Variants in STAT1 observed in about 807,000 individuals in gnomAD.
STAT1 encodes signal transducer and activator of transcription 1.
STAT1 carries 24 observed loss-of-function variants against 111.7 expected under a neutral mutation model. The observed-to-expected ratio is 0.21, with a 90% CI of 0.16 to 0.30. The LOEUF (loss-of-function observed/expected upper bound fraction) is 0.30, where lower values mean the gene tolerates loss of function less well. STAT1 is among the 10% of genes least tolerant of loss of function. STAT1 has a pLI of 1.00. For synonymous variants in STAT1, 332 were observed against 326.5 expected (o/e 1.02, Z -0.18); for missense variants, 351 against 911.9 (o/e 0.38, Z 7.92).
rs182298992 is a variant in STAT1 at position 191,007,304 on chromosome 2, G to A, written c.372+259C>T. ...CCCAGCCACTCCATGAATTCAGCATGTTATCTTCTCAGCACTTTATGCTAC... is the reference window on the plus strand; with the variant it reads ...CCCAGCCACTCCATGAATTCAGCATATTATCTTCTCAGCACTTTATGCTAC... On this transcript the variant is annotated intron_variant, in intron 5 of 24. Transcript: ENST00000361099. The surrounding 1 kb of genome is among the most constrained non-coding windows in gnomAD (Gnocchi z 4.2). Among the ~76,000 whole-genome samples the A allele has an allele frequency of 1.3e-5, 2 of 152,248 alleles. No homozygotes were observed. Among genetic ancestry groups the A allele is most frequent in the East Asian group, 3.9e-4 (2 of 5,188 alleles).
chr2:190,980,573 C>G lies in STAT1; in HGVS notation c.1632+47G>C. ...CAGCAAGAAACATGAGAACCTCAAC[C>G]AAGAGCAAAAAGGACTTAGAGAGCA... On this transcript the variant is annotated intron_variant, in intron 19 of 24. Coordinates refer to ENST00000361099, the MANE Select transcript of STAT1 (RefSeq NM_007315.4). This position sits in a 1 kb window ranked among gnomAD's most constrained non-coding sequence, Gnocchi z 6.1. 1 of 1,600,326 alleles carries G rather than the reference C, an allele frequency of 6.2e-7. No individual in the cohort carries two copies. The highest frequency in any genetic ancestry group is 8.6e-7 in the Non-Finnish European group (1 of 1,167,414).
chr2:191,007,459 TAG>T lies in STAT1; in HGVS notation c.372+102_372+103del, dbSNP rs2066806. On this transcript the variant is annotated intron_variant, in intron 5 of 24. Coordinates refer to ENST00000361099, the MANE Select transcript of STAT1 (RefSeq NM_007315.4). The surrounding 1 kb of genome is among the most constrained non-coding windows in gnomAD (Gnocchi z 4.2). ...CTCCCACTTCTTGGGGCTATAAAAT[TAG>T]AGAGATATTCATCATTGCTTTGACA... 57,648 of 852,060 alleles carry T rather than the reference TAG, an allele frequency of 0.068. 2,646 individuals are homozygous for T. The highest frequency in any genetic ancestry group is 0.14 in the East Asian group (5,441 of 38,622). The allele number at this position is 852,060 out of a possible 1,614,324, so 52.8% of individuals were successfully genotyped here.
At position 190,971,933 on chromosome 2, in the gene STAT1, A is replaced by C. The variant is rs1203511074; in HGVS notation, c.2239-1216T>G. 3.3e-5 allele frequency among the ~76,000 whole-genome samples: 5 copies of C among 152,066 alleles called. No individual in the cohort carries two copies. Among genetic ancestry groups the C allele is most frequent in the African/African-American group, 1.2e-4 (5 of 41,400 alleles). ...TCACCGTGTTGGCCAGGCTGGTCTC[A>C]AACTCCTGATCGCAGGTGATCCACC... is the stretch of plus-strand genomic sequence containing the variant. On this transcript the variant is annotated intron_variant, in intron 24 of 24. Transcript: ENST00000361099. The surrounding 1 kb of genome is among the most constrained non-coding windows in gnomAD (Gnocchi z 4.1).
Position 190,998,090 on chromosome 2 carries a change from T to C in STAT1, c.634-83A>G. On this transcript the variant is annotated intron_variant, in intron 8 of 24. Transcript: ENST00000361099. The surrounding 1 kb of genome is among the most constrained non-coding windows in gnomAD (Gnocchi z 4.1). ...AAATATTTTTTAAAAGAAAAGCAAA[T>C]ATCATTTCATTCTCAACTGGGGCTC... is the stretch of plus-strand genomic sequence containing the variant. 1 of 1,572,938 alleles carries C rather than the reference T, an allele frequency of 6.4e-7. No individual in the cohort carries two copies. The highest frequency in any genetic ancestry group is 1.1e-5 in the South Asian group (1 of 88,538).
chr2:190,983,855 A>G lies in STAT1; in HGVS notation c.1348-115T>C, dbSNP rs1692575486. The stretch of plus-strand genomic sequence containing the variant: ...ATTTGTAAATTTGTACATATTTAAT[A>G]CTTGAAAATGAGAAGTGTTAAGTTC... On this transcript the variant is annotated intron_variant, in intron 16 of 24. Coordinates refer to ENST00000361099, the MANE Select transcript of STAT1 (RefSeq NM_007315.4). The surrounding 1 kb of genome is among the most constrained non-coding windows in gnomAD (Gnocchi z 5.7). 1.1e-6 allele frequency: 1 copy of G among 872,482 alleles called. No individual in the cohort carries two copies. Among genetic ancestry groups the G allele is most frequent in the Admixed American group, 2.0e-5 (1 of 50,832 alleles). The allele number at this position is 872,482 out of a possible 1,614,324, so 54.0% of individuals were successfully genotyped here. A position where few individuals can be genotyped will look rare whatever the true frequency, so the allele number is the denominator to read the frequency against.
rs2124974748 is a variant in STAT1, at chr2:190,969,929, T to C, written c.*774A>G. 1 of 152,480 alleles carries C rather than the reference T, an allele frequency of 6.6e-6. No homozygotes were observed. Among genetic ancestry groups the C allele is most frequent in the South Asian group, 2.1e-4 (1 of 4,834 alleles). The allele number at this position is 152,480 out of a possible 1,614,324, so 9.4% of individuals were successfully genotyped here. ...CTTGGGAGAACTGTAAAAATAATTGTATGTGACCAAGATGAAAGCAGAATG... is the reference window on the plus strand; with the variant it reads ...CTTGGGAGAACTGTAAAAATAATTGCATGTGACCAAGATGAAAGCAGAATG... On this transcript the variant is annotated 3_prime_UTR_variant, in exon 25 of 25. Transcript: ENST00000361099.
rs1691437183 is a variant in STAT1, at chr2:190,971,217, C to T, written c.2239-500G>A. ...TTCCCCACCAGTGCCTTCTGCCCAG[C>T]TGCCTTGACCAGGACAACTTATAGT... On this transcript the variant is annotated intron_variant, in intron 24 of 24. Coordinates refer to ENST00000361099, the MANE Select transcript of STAT1 (RefSeq NM_007315.4). This position sits in a 1 kb window ranked among gnomAD's most constrained non-coding sequence, Gnocchi z 4.1. Among the ~76,000 whole-genome samples the T allele has an allele frequency of 6.6e-6, 1 of 152,212 alleles. No individual in the cohort carries two copies. The highest frequency in any genetic ancestry group is 1.5e-5 in the Non-Finnish European group (1 of 68,036).
Position 190,985,696 on chromosome 2 carries a change from G to A in STAT1, c.1222-36C>T, listed in dbSNP as rs374416495. 27 of 1,594,410 alleles carry A rather than the reference G, an allele frequency of 1.7e-5. No homozygotes were observed. In the African/African-American group the frequency reaches 3.5e-4, roughly 21 times the overall value. ...AATAATCATCTTAGTAAACACCATGGTAATGGTCAAAGTTGCTATCTTCAT... is the reference window on the plus strand; with the variant it reads ...AATAATCATCTTAGTAAACACCATGATAATGGTCAAAGTTGCTATCTTCAT... On this transcript the variant is annotated intron_variant, in intron 14 of 24. Transcript: ENST00000361099.
In STAT1 at chr2:190,973,542, G is replaced by A. The variant is rs1691663932; in HGVS notation, c.2238+1288C>T. Among the ~76,000 whole-genome samples the A allele has an allele frequency of 1.3e-5, 2 of 152,072 alleles. 1 individual carries two copies. Among genetic ancestry groups the A allele is most frequent in the South Asian group, 4.1e-4 (2 of 4,822 alleles). On this transcript the variant is annotated intron_variant, in intron 24 of 24. Transcript: ENST00000361099. The surrounding 1 kb of genome is among the most constrained non-coding windows in gnomAD (Gnocchi z 4.4). ...AATTTGCTCAGGAACAACAAAGGAG[G>A]TATAAAAAATCCCCCCATTTTACAG...
rs935642672 is a variant in STAT1, at chr2:190,980,488, G to C, written c.1632+132C>G. The C allele has an allele frequency of 6.6e-6, 7 of 1,066,612 alleles. No homozygotes were observed. The highest frequency in any genetic ancestry group is 1.0e-5 in the Non-Finnish European group (7 of 691,276). The allele number at this position is 1,066,612 out of a possible 1,614,324, so 66.1% of individuals were successfully genotyped here. A position where few individuals can be genotyped will look rare whatever the true frequency, so the allele number is the denominator to read the frequency against. ...CTGAAGAAAAGTAAACAACTTGCCC[G>C]AGGGGCTCCTTGGCCAGAGAAGAAC... is the stretch of plus-strand genomic sequence containing the variant. On this transcript the variant is annotated intron_variant, in intron 19 of 24. Transcript: ENST00000361099. The surrounding 1 kb of genome is among the most constrained non-coding windows in gnomAD (Gnocchi z 6.1).
chr2:190,980,798 T>C lies in STAT1; in HGVS notation c.1583-129A>G. The C allele has an allele frequency of 2.2e-6, 2 of 924,210 alleles. No individual in the cohort carries two copies. The highest frequency in any genetic ancestry group is 1.4e-5 in the South Asian group (1 of 71,834). The allele number at this position is 924,210 out of a possible 1,614,324, so 57.3% of individuals were successfully genotyped here. A position where few individuals can be genotyped will look rare whatever the true frequency, so the allele number is the denominator to read the frequency against. ...CCCAACAAAGATTGTATGTACACAG[T>C]TGACATTTTCGGATACCTTAATGCC... On this transcript the variant is annotated intron_variant, in intron 18 of 24. Coordinates refer to ENST00000361099, the MANE Select transcript of STAT1 (RefSeq NM_007315.4). The surrounding 1 kb of genome is among the most constrained non-coding windows in gnomAD (Gnocchi z 6.1).
Position 190,986,221 on chromosome 2 carries a change from A to C in STAT1, c.1222-561T>G, listed in dbSNP as rs1353722981. 2.0e-5 allele frequency among the ~76,000 whole-genome samples: 3 copies of C among 152,184 alleles called. No homozygotes were observed. The highest frequency in any genetic ancestry group is 4.4e-5 in the Non-Finnish European group (3 of 68,034). On this transcript the variant is annotated intron_variant, in intron 14 of 24. Coordinates refer to ENST00000361099, the MANE Select transcript of STAT1 (RefSeq NM_007315.4). The surrounding 1 kb of genome is among the most constrained non-coding windows in gnomAD (Gnocchi z 5.0). ...ATCACAAAGTGGTCTCTAGTGAAAA[A>C]GGATGCCTTTAACCTCCTGCAGGTT...
In STAT1 at chr2:191,000,633, T is replaced by C. The variant is rs1694199600; in HGVS notation, c.462+441A>G. ...CCTAAAATTGCTGTGGATGTCTTAA[T>C]CAGAAATGTATCCAAATTTCTTTCA... On this transcript the variant is annotated intron_variant, in intron 6 of 24. Coordinates refer to ENST00000361099, the MANE Select transcript of STAT1 (RefSeq NM_007315.4). The surrounding 1 kb of genome is among the most constrained non-coding windows in gnomAD (Gnocchi z 4.8). Among the ~76,000 whole-genome samples the C allele has an allele frequency of 6.6e-6, 1 of 152,216 alleles. No homozygotes were observed.
At position 191,004,195 on chromosome 2, in the gene STAT1, C is replaced by T. The variant is rs1209228419; in HGVS notation, c.373-3032G>A. On this transcript the variant is annotated intron_variant, in intron 5 of 24. Coordinates refer to ENST00000361099, the MANE Select transcript of STAT1 (RefSeq NM_007315.4). This position sits in a 1 kb window ranked among gnomAD's most constrained non-coding sequence, Gnocchi z 5.0. ...AAGCAGATGCTTGGCTGCTCCTGTA[C>T]ACTTTAGTACTGATACCACTTTCAC... Among the ~76,000 whole-genome samples, 1 of 152,212 alleles carries T rather than the reference C, an allele frequency of 6.6e-6. No individual in the cohort carries two copies. Among genetic ancestry groups the T allele is most frequent in the Non-Finnish European group, 1.5e-5 (1 of 68,028 alleles).
rs1214446822 is a variant in STAT1, at chr2:191,003,220, T to C, written c.373-2057A>G. 6.6e-6 allele frequency among the ~76,000 whole-genome samples: 1 copy of C among 152,258 alleles called. No homozygotes were observed. The highest frequency in any genetic ancestry group is 1.5e-5 in the Non-Finnish European group (1 of 68,044). The stretch of plus-strand genomic sequence containing the variant: ...TGAATTGTATCAGCTGTAAAGTGTG[T>C]ATTAGAAATACATGAATGTTACTGG... On this transcript the variant is annotated intron_variant, in intron 5 of 24. Transcript: ENST00000361099. The surrounding 1 kb of genome is among the most constrained non-coding windows in gnomAD (Gnocchi z 4.0).
chr2:191,008,559 C>T (rs540291613), intron 4 of STAT1, among the ~76,000 whole-genome samples: 2 of 152,308 alleles, frequency 1.3e-5, no homozygotes, highest in South Asian at 4.1e-4. Flanking sequence ...CTGTTTTATT[C>T]CTCATTTGCA....
Position 190,973,782 on chromosome 2 carries a change from A to G in STAT1, c.2238+1048T>C, listed in dbSNP as rs1691681488. On this transcript the variant is annotated intron_variant, in intron 24 of 24. Transcript: ENST00000361099. The surrounding 1 kb of genome is among the most constrained non-coding windows in gnomAD (Gnocchi z 4.4). ...CTATTTCGTCAACAACAATCAGGAA[A>G]GTGTAGGAAGGTACAATCTCTAATG... is the stretch of plus-strand genomic sequence containing the variant. Among the ~76,000 whole-genome samples, 1 of 152,174 alleles carries G rather than the reference A, an allele frequency of 6.6e-6. No homozygotes were observed.
In STAT1 at chr2:190,976,010, A is replaced by T; in HGVS notation, c.2060-123T>A. 1 of 853,844 alleles carries T rather than the reference A, an allele frequency of 1.2e-6. No homozygotes were observed. Among genetic ancestry groups the T allele is most frequent in the Non-Finnish European group, 1.9e-6 (1 of 517,536 alleles). 52.9% of individuals were successfully genotyped at this position (853,844 alleles called of 1,614,324 possible). A position where few individuals can be genotyped will look rare whatever the true frequency, so the allele number is the denominator to read the frequency against. ...AGACAGCTTAGCCTCCTAAAACTTTAAGGAGCTATAACCTCCCTGCCTGAG... is the reference window on the plus strand; with the variant it reads ...AGACAGCTTAGCCTCCTAAAACTTTTAGGAGCTATAACCTCCCTGCCTGAG... On this transcript the variant is annotated intron_variant, in intron 22 of 24. Transcript: ENST00000361099. This position sits in a 1 kb window ranked among gnomAD's most constrained non-coding sequence, Gnocchi z 6.0.
chr2:191,001,866 G>A (rs909634623), intron 5 of STAT1, among the ~76,000 whole-genome samples: 2 of 152,156 alleles, frequency 1.3e-5, no homozygotes, highest in Non-Finnish European at 2.9e-5. Context: ...CTAGGCTCGG[G>A]TGTTAGAGTG....
Sources: gnomAD v4.1 joint callset for allele counts (sites outside exome capture counted in the v4.1 genomes callset) on GRCh38, gnomAD v4.1.1 for gene constraint, Gnocchi (gnomAD v3.1) non-coding constraint, MANE v1.5 for transcripts, NCBI Gene and HGNC (gene_info 2026-07-23, HGNC 2026-07-21) for gene names.